Variants in NAGK observed in about 807,000 individuals in gnomAD.
NAGK encodes the protein N-acetylglucosamine kinase.
A neutral mutation model predicts 42.9 loss-of-function variants in NAGK; 35 were observed. The observed-to-expected ratio is 0.82, with a 90% CI of 0.62 to 1.08. The LOEUF is 1.08. NAGK is among the 50% of genes least tolerant of loss of function. The pLI, the probability that NAGK is intolerant of heterozygous loss-of-function variation, is 0.00. For missense variants in NAGK, 446 were observed against 446.0 expected, an observed-to-expected ratio of 1.00 and a Z score of 0.00; for synonymous variants, 172 against 176.0, an observed-to-expected ratio of 0.98 and a Z score of 0.18.
chr2:71,074,523 G>A (rs1202445497), intron 6 of NAGK: 1 of 152,248 alleles, frequency 6.6e-6, no homozygotes, highest in Admixed American at 6.5e-5. Flanking sequence ...TTCTTACAGG[G>A]TTGTTTCAAA....
chr2:71,078,161 C>A (rs1672282520), intron 9 of NAGK, among the ~76,000 whole-genome samples, 157 bp from the exon 10 acceptor site: 1 of 152,176 alleles, frequency 6.6e-6, no homozygotes, highest in African/African-American at 2.4e-5. Flanking sequence ...ACTCGAGTAC[C>A]CAGTGCACCC....
upstream of NAGK, chr2:71,068,621 G>A: frequency 6.6e-7 from 1 of 1,523,970 alleles, no homozygotes; most frequent in Non-Finnish European, 8.8e-7. Context: ...ACAGCTGGAG[G>A]GAAGGAGGTG....
rs773873747 is a variant in NAGK at position 71,072,703 on chromosome 2, G to T, written c.418G>T (p.Glu140Ter). The T allele has an allele frequency of 3.1e-6, 5 of 1,614,142 alleles. No homozygotes were observed. The highest frequency in any genetic ancestry group is 2.7e-5 in the African/African-American group (2 of 75,040). ...CAGGCTCATCAACCCTGATGGCTCCGAGAGTGGCTGCGGCGGCTGGGGCCA... is the reference window on the plus strand; with the variant it reads ...CAGGCTCATCAACCCTGATGGCTCCTAGAGTGGCTGCGGCGGCTGGGGCCA... The part of the protein sequence containing the change: ...NCRLINPDGS[E>*]SGCGGWGHMM... The change falls in exon 5 of 10, where the codon GAG (glutamate) becomes TAG (stop). Residue 140 changes from glutamate to a stop codon, truncating the protein, a stop_gained. Transcript: ENST00000244204. LOFTEE classifies it high-confidence loss of function.
At position 71,068,683 on chromosome 2, in the gene NAGK, C is replaced by A; in HGVS notation, c.-1C>A. The A allele has an allele frequency of 6.6e-7, 1 of 1,519,276 alleles. No individual in the cohort carries two copies. Among genetic ancestry groups the A allele is most frequent in the Non-Finnish European group, 8.8e-7 (1 of 1,133,610 alleles). 94.1% of individuals were successfully genotyped at this position (1,519,276 alleles called of 1,614,324 possible). Reference sequence around the variant, plus strand: ...GGACCAGCAGCGACGGTAGCAGCAGCATGGCCGCGATCTATGGGGGTGTAG... The same window carrying A: ...GGACCAGCAGCGACGGTAGCAGCAGAATGGCCGCGATCTATGGGGGTGTAG... On this transcript the variant is annotated 5_prime_UTR_variant, in exon 1 of 10. Coordinates refer to ENST00000244204, the MANE Select transcript of NAGK (RefSeq NM_017567.6).
In NAGK at chr2:71,068,666, A is replaced by G. The variant is rs755683916; in HGVS notation, c.-18A>G. On this transcript the variant is annotated 5_prime_UTR_variant, in exon 1 of 10. Transcript: ENST00000244204. ...GAGAGACGCAAACGGCGGGACCAGC[A>G]GCGACGGTAGCAGCAGCATGGCCGC... 1.7e-5 allele frequency: 26 copies of G among 1,520,980 alleles called. No homozygotes were observed. Among genetic ancestry groups the G allele is most frequent in the Non-Finnish European group, 1.9e-5 (21 of 1,134,246 alleles). The allele number at this position is 1,520,980 out of a possible 1,614,324, so 94.2% of individuals were successfully genotyped here.
At chr2:71,070,468 C>G (rs41285971) in intron 1 of NAGK, 34 bp from the exon 2 acceptor site, 2 of 1,585,168 alleles carry the variant, frequency 1.3e-6, no homozygotes, top group East Asian at 4.5e-5. Flanking sequence ...TGGGTTTTTC[C>G]GAGCAAGATC....
chr2:71,070,303 A>G, intron 1 of NAGK, 199 bp from the exon 2 acceptor site: 1 of 506,322 alleles, frequency 2.0e-6, no homozygotes, highest in South Asian at 2.1e-5. Context: ...GGACATCCCC[A>G]AGGGAAGAGG....
chr2:71,077,430 G>A, intron 8 of NAGK, 128 bp from the exon 9 acceptor site: 1 of 812,004 alleles, frequency 1.2e-6, no homozygotes, highest in South Asian at 1.7e-5. Flanking sequence ...CCTTTCCTGA[G>A]TCTGTCTACT....
At chr2:71,068,763 C>G in intron 1 of NAGK, 51 bp downstream of exon 1, 1 of 1,439,790 alleles carries the variant, frequency 6.9e-7, no homozygotes. Context: ...GGGCGGAAGG[C>G]CGTGGCCAGC....
At chr2:71,072,350 A>G (rs1672046933) in intron 4 of NAGK, 1 of 422,292 alleles carries the variant, frequency 2.4e-6, no homozygotes, top group Non-Finnish European at 4.4e-6. Context: ...CCAGTAAAGC[A>G]GGTAGAGTCA....
intron 8 of NAGK, 112 bp downstream of exon 8, chr2:71,076,813 T>G: frequency 1.1e-6 from 1 of 915,034 alleles, no homozygotes; most frequent in Middle Eastern, 2.2e-4. Flanking sequence ...CTATTTTAAA[T>G]GAACTTAGGG....
rs11539622 is a variant in NAGK, at chr2:71,071,796, C to T, written c.324C>T (p.Ala108=). ...AAAGCTACTTAATCACCACCGATGCCGCCGGCTCCATCGCCACAGCTACAC... is the reference window on the plus strand; with the variant it reads ...AAAGCTACTTAATCACCACCGATGCTGCCGGCTCCATCGCCACAGCTACAC... The part of the protein sequence containing the change: ...LSESYLITTD[A]AGSIATATPD... Residue 108 remains alanine, a synonymous_variant, in exon 4 of 10, where the codon GCC becomes GCT. Coordinates refer to ENST00000244204, the MANE Select transcript of NAGK (RefSeq NM_017567.6). The T allele has an allele frequency of 4.5e-5, 73 of 1,614,118 alleles. No homozygotes were observed. The highest frequency in any genetic ancestry group is 4.3e-4 in the African/African-American group (32 of 75,042).
Position 71,078,296 on chromosome 2 carries a change from G to A in NAGK, c.845-22G>A, listed in dbSNP as rs182953575. The A allele has an allele frequency of 2.1e-3, 3,339 of 1,611,132 alleles. 52 individuals carry two copies. The highest frequency in any genetic ancestry group is 9.7e-3 in the Middle Eastern group (59 of 6,058). ...AGGTTGCTGTTCTCCTCTTATCTCT[G>A]TCCTTGTGTTCTTCCCTCCAGGTTT... On this transcript the variant is annotated intron_variant, in intron 9 of 9. Transcript: ENST00000244204.
chr2:71,076,557 C>T, intron 7 of NAGK, 47 bp from the exon 8 acceptor site: 1 of 1,462,776 alleles, frequency 6.8e-7, no homozygotes, highest in Non-Finnish European at 9.5e-7. Flanking sequence ...GGAATGGCAG[C>T]TCCCTCCTTT....
rs531967385 is a variant in NAGK, at chr2:71,072,767, G to A, written c.466+16G>A. 6.2e-7 allele frequency: 1 copy of A among 1,602,808 alleles called. No homozygotes were observed. The highest frequency in any genetic ancestry group is 2.2e-5 in the East Asian group (1 of 44,776). ...GAGGGTTCAGGTGAGCTCACTGACTGGCCCAGCTCCAGGTCCTGGATCTGC... is the reference window on the plus strand; with the variant it reads ...GAGGGTTCAGGTGAGCTCACTGACTAGCCCAGCTCCAGGTCCTGGATCTGC... On this transcript the variant is annotated intron_variant, in intron 5 of 9. Coordinates refer to ENST00000244204, the MANE Select transcript of NAGK (RefSeq NM_017567.6).
At chr2:71,076,259 C>T (rs1487878627) in intron 7 of NAGK, 1 of 205,736 alleles carries the variant, frequency 4.9e-6, no homozygotes, top group Non-Finnish European at 1.0e-5. Flanking sequence ...TCCTGGGTCC[C>T]CAGAGCTGAC....
At chr2:71,075,753 G>A in intron 7 of NAGK, 111 bp downstream of exon 7, 2 of 1,081,310 alleles carry the variant, frequency 1.8e-6, no homozygotes, top group South Asian at 2.7e-5. Context: ...CTCACCAAGT[G>A]ACCTCAGTTC....
chr2:71,078,185 C>G (rs1672283652), intron 9 of NAGK, 133 bp from the exon 10 acceptor site: 1 of 830,682 alleles, frequency 1.2e-6, no homozygotes, highest in Admixed American at 2.6e-5. Flanking sequence ...GTGCTGGGCA[C>G]TTGGCATGTA....
In NAGK at chr2:71,073,606, G is replaced by A; in HGVS notation, c.579+12G>A. ...TCCACTATTTCCAGGTACTCCTCCT[G>A]CTCCCAGTAAACATGCGCACCTGGG... On this transcript the variant is annotated intron_variant, in intron 6 of 9. Coordinates refer to ENST00000244204, the MANE Select transcript of NAGK (RefSeq NM_017567.6). The A allele has an allele frequency of 6.3e-7, 1 of 1,593,056 alleles. No individual in the cohort carries two copies. Among genetic ancestry groups the A allele is most frequent in the Non-Finnish European group, 8.6e-7 (1 of 1,160,992 alleles).
Sources: gnomAD v4.1 joint callset for allele counts (sites outside exome capture counted in the v4.1 genomes callset) on GRCh38, gnomAD v4.1.1 for gene constraint, MANE v1.5 for transcripts, NCBI Gene and HGNC (gene_info 2026-07-23, HGNC 2026-07-21) for gene names.